SPATA31H1: variants seen among roughly 807,000 people sequenced by gnomAD.
The protein encoded by SPATA31H1 is SPATA31 subfamily H member 1, also known as spermatogenesis-associated protein 31H1.
chr2:27,543,547 CAAA>C, the SPATA31H1 span, among the ~76,000 whole-genome samples: 1 of 129,924 alleles, frequency 7.7e-6, no homozygotes. Flanking sequence ...ACTAGGTTGG[CAAA>C]AAAAAAAAAA....
the SPATA31H1 span, chr2:27,578,617 T>C: frequency 6.2e-7 from 1 of 1,614,100 alleles, no homozygotes; most frequent in Admixed American, 1.7e-5. Context: ...AAACAAGGGC[T>C]TCAGGCTGTG....
chr2:27,552,626 C>A, the SPATA31H1 span, among the ~76,000 whole-genome samples: 1 of 151,874 alleles, frequency 6.6e-6, no homozygotes. Context: ...GTAAAAAAGG[C>A]TATTGGGATT....
At chr2:27,573,097 A>G in the SPATA31H1 span, 1 of 397,172 alleles carries the variant, frequency 2.5e-6, no homozygotes, top group Non-Finnish European at 4.4e-6. Flanking sequence ...AAGCCTGCAG[A>G]GTTGAAATCC....
the SPATA31H1 span, chr2:27,569,524 T>TATTG: frequency 2.5e-6 from 1 of 398,772 alleles, no homozygotes; most frequent in Non-Finnish European, 4.4e-6. Context: ...TCATCTCCAT[T>TATTG]ATTGATAGGA....
the SPATA31H1 span, chr2:27,578,943 A>G: frequency 8.7e-6 from 14 of 1,613,904 alleles, no homozygotes; most frequent in Admixed American, 6.7e-5. Context: ...ACAATCTTTA[A>G]CTTTTCCTTT....
the SPATA31H1 span, among the ~76,000 whole-genome samples, chr2:27,551,829 T>G: frequency 5.3e-5 from 8 of 151,570 alleles, no homozygotes; most frequent in Non-Finnish European, 1.0e-4. Context: ...TAGACTAGCT[T>G]TTTTTTTTGT....
chr2:27,578,858 C>T, the SPATA31H1 span: 1 of 1,614,084 alleles, frequency 6.2e-7, no homozygotes, highest in South Asian at 1.1e-5. Context: ...AGGAAGTATC[C>T]AGAGCTTTGG....
chr2:27,575,767 T>C, the SPATA31H1 span: 1 of 398,270 alleles, frequency 2.5e-6, no homozygotes, highest in African/African-American at 2.1e-5. This position sits in a 1 kb window ranked among gnomAD's most constrained non-coding sequence, Gnocchi z 4.1. Flanking sequence ...AATGGGTGCA[T>C]CCCTGGGCCA....
chr2:27,561,857 C>A, the SPATA31H1 span, among the ~76,000 whole-genome samples: 5 of 152,186 alleles, frequency 3.3e-5, no homozygotes, highest in Admixed American at 6.5e-5. Flanking sequence ...TGCCACCACG[C>A]CCAGCTAGCT....
chr2:27,580,711 G>GGCCAGATGT, the SPATA31H1 span: 1 of 1,614,080 alleles, frequency 6.2e-7, no homozygotes. Flanking sequence ...GACGGGACAA[G>GGCCAGATGT]GCCAGACAAT....
the SPATA31H1 span, chr2:27,579,046 C>T: frequency 6.2e-7 from 1 of 1,614,070 alleles, no homozygotes; most frequent in Non-Finnish European, 8.5e-7. Context: ...TCTAAAGAGA[C>T]AACTAAGAGG....
chr2:27,541,974 A>C, the SPATA31H1 span, among the ~76,000 whole-genome samples: 1 of 151,900 alleles, frequency 6.6e-6, no homozygotes. Flanking sequence ...GGGTATCGCC[A>C]TGGTGCCCAG....
chr2:27,581,711 C>T, the SPATA31H1 span: 3 of 1,613,386 alleles, frequency 1.9e-6, no homozygotes, highest in South Asian at 3.3e-5. Context: ...ATCACAGTCC[C>T]TCTAAGAGAA....
At chr2:27,555,165 TTA>T in the SPATA31H1 span, among the ~76,000 whole-genome samples, 2 of 152,002 alleles carry the variant, frequency 1.3e-5, no homozygotes, top group African/African-American at 4.8e-5. Flanking sequence ...TTTTTCTTTT[TTA>T]TGTTATTAAT....
At chr2:27,575,830 T>C in the SPATA31H1 span, 1 of 398,238 alleles carries the variant, frequency 2.5e-6, no homozygotes, top group Admixed American at 4.4e-5. This position sits in a 1 kb window ranked among gnomAD's most constrained non-coding sequence, Gnocchi z 4.1. Flanking sequence ...GCTCACTGTG[T>C]AAATTCTATT....
chr2:27,543,044 G>C, the SPATA31H1 span, among the ~76,000 whole-genome samples: 1 of 151,982 alleles, frequency 6.6e-6, no homozygotes, highest in African/African-American at 2.4e-5. Flanking sequence ...AGTGAGCCAA[G>C]ATCGTCCCAC....
At chr2:27,569,380 A>G in the SPATA31H1 span, 1 of 398,840 alleles carries the variant, frequency 2.5e-6, no homozygotes, top group South Asian at 1.3e-4. Context: ...CAAGTTGCTA[A>G]GACCCAGGGG....
the SPATA31H1 span, among the ~76,000 whole-genome samples, chr2:27,552,216 T>C: frequency 6.6e-6 from 1 of 152,040 alleles, no homozygotes; most frequent in Non-Finnish European, 1.5e-5. Flanking sequence ...TTTATAGTTT[T>C]ACAGCTCTTA....
the SPATA31H1 span, among the ~76,000 whole-genome samples, chr2:27,552,989 T>C: frequency 4.6e-5 from 7 of 152,110 alleles, no homozygotes; most frequent in African/African-American, 1.5e-4. Context: ...CTAATTGCTC[T>C]GGTTAGAACT....
Sources: gnomAD v4.1 joint callset for allele counts (sites outside exome capture counted in the v4.1 genomes callset) on GRCh38, gnomAD v4.1.1 for gene constraint, Gnocchi (gnomAD v3.1) non-coding constraint, MANE v1.5 for transcripts, NCBI Gene and HGNC (gene_info 2026-07-23, HGNC 2026-07-21) for gene names.